The following RBFOX1 variants were observed in gnomAD, a reference collection of about 807,000 sequenced individuals.
The protein encoded by RBFOX1 is RNA binding fox-1 homolog 1, also known as RNA binding protein fox-1 homolog 1.
A neutral mutation model predicts 57.7 loss-of-function variants in RBFOX1; 8 were observed. The observed-to-expected ratio is 0.14, with a 90% CI of 0.08 to 0.25. RBFOX1 has a LOEUF of 0.25. RBFOX1 is among the 10% of genes least tolerant of loss of function. The pLI is 1.00. For synonymous variants in RBFOX1, 326 were observed against 222.4 expected (o/e 1.47, Z -4.15); for missense variants, 611 against 548.5 (o/e 1.11, Z -1.14).
At chr16:5,901,761 C>G (rs2058310207) in intron 4 of RBFOX1, among the ~76,000 whole-genome samples, 1 of 152,202 alleles carries the variant, frequency 6.6e-6, no homozygotes, top group South Asian at 2.1e-4. Flanking sequence ...AGTGATGTTT[C>G]ACACATTACC....
At chr16:6,533,113 T>C (rs1468424358) in intron 2 of RBFOX1, among the ~76,000 whole-genome samples, 2 of 152,196 alleles carry the variant, frequency 1.3e-5, no homozygotes, top group African/African-American at 2.4e-5. Flanking sequence ...TAGTGCTAGA[T>C]GGCAGGCATT....
chr16:6,239,439 A>G (rs2097527962), intron 1 of RBFOX1, among the ~76,000 whole-genome samples: 1 of 146,514 alleles, frequency 6.8e-6, no homozygotes, highest in Admixed American at 6.8e-5. Flanking sequence ...AGAATTGTTA[A>G]TGGAGTCCCA....
At chr16:6,452,945 C>T (rs986915168) in intron 2 of RBFOX1, among the ~76,000 whole-genome samples, 2 of 152,172 alleles carry the variant, frequency 1.3e-5, no homozygotes, top group African/African-American at 4.8e-5. Flanking sequence ...TTCCTGTTCT[C>T]CATGCTTAGT....
chr16:7,576,337 G>A (rs1420703131), intron 5 of RBFOX1, among the ~76,000 whole-genome samples: 3 of 152,054 alleles, frequency 2.0e-5, no homozygotes, highest in Non-Finnish European at 4.4e-5. Context: ...CCAAAACCCT[G>A]GTTCATTGTG....
chr16:6,829,135 G>A (rs2092480977), intron 3 of RBFOX1, among the ~76,000 whole-genome samples: 1 of 151,914 alleles, frequency 6.6e-6, no homozygotes. Context: ...ATAGGTAATT[G>A]TCTAATAAGT....
Position 6,155,217 on chromosome 16 carries a change from A to G in RBFOX1, c.-127+135225A>G, listed in dbSNP as rs8064194. 3.6e-3 allele frequency among the ~76,000 whole-genome samples: 553 copies of G among 152,326 alleles called. 2 individuals carry two copies. Among genetic ancestry groups the G allele is most frequent in the Non-Finnish European group, 5.5e-3 (371 of 68,034 alleles). On this transcript the variant is annotated intron_variant, in intron 1 of 15. Transcript: ENST00000550418. Reference sequence around the variant, plus strand: ...ACTGCTTTGGACATTACAATCTGCCATCTCTTCCTCTGGGGCATCCAGGAG... The same window carrying G: ...ACTGCTTTGGACATTACAATCTGCCGTCTCTTCCTCTGGGGCATCCAGGAG...
intron 4 of RBFOX1, among the ~76,000 whole-genome samples, chr16:5,887,974 G>A (rs949743929): frequency 1.3e-5 from 2 of 152,118 alleles, no homozygotes; most frequent in African/African-American, 4.8e-5. Flanking sequence ...TCTACAAGAC[G>A]AGCAAGGTCC....
At chr16:5,809,393 A>C (rs542337291) in intron 3 of RBFOX1, among the ~76,000 whole-genome samples, 1 of 152,102 alleles carries the variant, frequency 6.6e-6, no homozygotes, top group East Asian at 1.9e-4. Context: ...GGCAGCCTAC[A>C]CAATGGGAGA....
rs749673630 is a variant in RBFOX1, at chr16:6,802,284, T to C, written c.-16+147634T>C. On this transcript the variant is annotated intron_variant, in intron 3 of 15. Coordinates refer to ENST00000550418, the MANE Select transcript of RBFOX1 (RefSeq NM_018723.4). The stretch of plus-strand genomic sequence containing the variant: ...CAGTAGTTGTGGAGGCCTGTGTTAG[T>C]GAGACCTGATTTGCCACACAGGGTC... 7.9e-5 allele frequency among the ~76,000 whole-genome samples: 12 copies of C among 152,276 alleles called. No individual in the cohort carries two copies. The South Asian group carries it at 2.5e-3, about 32-fold the overall frequency.
intron 1 of RBFOX1, among the ~76,000 whole-genome samples, chr16:6,156,490 G>T (rs1275494729): frequency 2.6e-5 from 4 of 152,152 alleles, no homozygotes; most frequent in African/African-American, 9.7e-5. Context: ...CCCTTGAGAA[G>T]GTTTCTTGAT....
At chr16:7,631,240 A>G (rs1017816963) in intron 11 of RBFOX1, among the ~76,000 whole-genome samples, 11 of 152,212 alleles carry the variant, frequency 7.2e-5, no homozygotes, top group Non-Finnish European at 1.6e-4. Flanking sequence ...CAGGGGCAGC[A>G]ACATTAAATA....
intron 4 of RBFOX1, among the ~76,000 whole-genome samples, chr16:7,506,715 T>C (rs1042539977): frequency 5.3e-5 from 8 of 152,218 alleles, no homozygotes; most frequent in African/African-American, 9.6e-5. Context: ...CCCTTACTAA[T>C]GTACGAGATC....
At chr16:6,898,794 C>A (rs544551461) in intron 3 of RBFOX1, among the ~76,000 whole-genome samples, 2 of 150,452 alleles carry the variant, frequency 1.3e-5, no homozygotes, top group South Asian at 2.1e-4. Flanking sequence ...TATGCATGTG[C>A]GTGTCTGTAT....
chr16:6,424,620 C>CGTGT (rs143990992), intron 2 of RBFOX1, among the ~76,000 whole-genome samples: 10 of 150,704 alleles, frequency 6.6e-5, no homozygotes, highest in South Asian at 2.1e-4. Context: ...TGTGTGTGTG[C>CGTGT]GTGTGTGTGA....
At chr16:6,715,973 G>A (rs566558091) in intron 3 of RBFOX1, among the ~76,000 whole-genome samples, 4 of 151,658 alleles carry the variant, frequency 2.6e-5, no homozygotes, top group Middle Eastern at 3.4e-3. Context: ...CAATTGACCA[G>A]GTGTGCAGTG....
At chr16:7,149,495 T>C (rs1338649960) in intron 4 of RBFOX1, among the ~76,000 whole-genome samples, 2 of 146,634 alleles carry the variant, frequency 1.4e-5, no homozygotes, top group Non-Finnish European at 3.0e-5. Flanking sequence ...TTTTTTTTTT[T>C]TTTTTTTCCC....
intron 4 of RBFOX1, among the ~76,000 whole-genome samples, chr16:5,985,378 A>C (rs980666707): frequency 6.6e-6 from 1 of 152,020 alleles, no homozygotes; most frequent in African/African-American, 2.4e-5. Context: ...GACTGTATTA[A>C]TTCAGTCCCT....
intron 4 of RBFOX1, among the ~76,000 whole-genome samples, chr16:7,211,407 A>AG (rs1306290203): frequency 4.0e-5 from 6 of 151,598 alleles, no homozygotes; most frequent in Non-Finnish European, 1.5e-5. Context: ...AAAAAAAAAA[A>AG]AAAAATTGGA....
intron 3 of RBFOX1, among the ~76,000 whole-genome samples, chr16:6,706,598 G>C (rs1483493591): frequency 6.6e-6 from 1 of 152,164 alleles, no homozygotes; most frequent in Non-Finnish European, 1.5e-5. Context: ...TGCTCTAATA[G>C]AGTTGTACTT....
Sources: allele counts gnomAD v4.1 joint callset (sites outside exome capture counted in the v4.1 genomes callset), GRCh38; gene constraint gnomAD v4.1.1; transcripts MANE v1.5; gene names NCBI Gene and HGNC (gene_info 2026-07-23, HGNC 2026-07-21).